Variants in ASAP2 observed in about 807,000 individuals in gnomAD.
The protein encoded by ASAP2 is ArfGAP with SH3 domain, ankyrin repeat and PH domain 2, also known as arf-GAP with SH3 domain, ANK repeat and PH domain-containing protein 2.
ASAP2 carries 45 observed loss-of-function variants against 131.4 expected under a neutral mutation model. The ratio of observed to expected loss-of-function variants is 0.34; its 90% CI spans 0.27 to 0.44. The LOEUF is 0.44. ASAP2 is among the 20% of genes least tolerant of loss of function. The probability of loss-of-function intolerance (pLI) is 1.00; values close to 1 mark genes in which losing one functional copy is unlikely to be tolerated. For synonymous variants in ASAP2, 510 were observed against 503.0 expected, an observed-to-expected ratio of 1.01 and a Z score of -0.19; for missense variants, 1,011 against 1,297.0, an observed-to-expected ratio of 0.78 and a Z score of 3.39.
chr2:9,309,073 G>A (rs1254249915), intron 3 of ASAP2, among the ~76,000 whole-genome samples: 3 of 152,110 alleles, frequency 2.0e-5, no homozygotes, highest in African/African-American at 4.8e-5. Flanking sequence ...GTCCTCATGT[G>A]GCTCTCTGCC....
chr2:9,339,888 A>AG (rs1671461745), intron 9 of ASAP2, among the ~76,000 whole-genome samples: 1 of 152,088 alleles, frequency 6.6e-6, no homozygotes, highest in South Asian at 2.1e-4. Context: ...CTAGGGGAGG[A>AG]GGGACCTGTT....
chr2:9,366,120 G>A (rs1558371351), intron 15 of ASAP2, among the ~76,000 whole-genome samples: 1 of 152,070 alleles, frequency 6.6e-6, no homozygotes, highest in Non-Finnish European at 1.5e-5. Context: ...TGCTTTTGTC[G>A]ATGGGTCTGG....
At chr2:9,373,685 G>A (rs554931500) in intron 16 of ASAP2, among the ~76,000 whole-genome samples, 14 of 152,350 alleles carry the variant, frequency 9.2e-5, no homozygotes, top group Admixed American at 6.5e-4. Context: ...GGAGGGAACC[G>A]TGCGGGGACT....
intron 3 of ASAP2, among the ~76,000 whole-genome samples, chr2:9,317,541 ATC>A (rs56856344): frequency 0.018 from 2,488 of 137,196 alleles, 71 homozygotes; most frequent in African/African-American, 0.062. Flanking sequence ...AATCCACACA[ATC>A]TCTCACATCC....
At position 9,392,610 on chromosome 2, in the gene ASAP2, A is replaced by G. The variant is rs1675815157; in HGVS notation, c.2519-872A>G. The stretch of plus-strand genomic sequence containing the variant: ...GGGGCTGCATTTGTGTGCTAGAGTC[A>G]GACTTTTGAGTTTTCCTTTAAATTG... On this transcript the variant is annotated intron_variant, in intron 23 of 27. Coordinates refer to ENST00000281419, the MANE Select transcript of ASAP2 (RefSeq NM_003887.3). The surrounding 1 kb of genome is among the most constrained non-coding windows in gnomAD (Gnocchi z 4.0). 6.6e-6 allele frequency among the ~76,000 whole-genome samples: 1 copy of G among 152,184 alleles called. No individual in the cohort carries two copies. The highest frequency in any genetic ancestry group is 2.1e-4 in the South Asian group (1 of 4,826).
intron 9 of ASAP2, among the ~76,000 whole-genome samples, chr2:9,338,110 T>C (rs901808847): frequency 2.0e-5 from 3 of 152,180 alleles, no homozygotes; most frequent in Non-Finnish European, 4.4e-5. Context: ...ATGGACCCTG[T>C]TGGGGTGCTG....
rs769290885 is a variant in ASAP2, at chr2:9,311,711, G to A, written c.346-6813G>A. 2.0e-5 allele frequency among the ~76,000 whole-genome samples: 3 copies of A among 152,158 alleles called. No homozygotes were observed. The highest frequency in any genetic ancestry group is 4.8e-5 in the African/African-American group (2 of 41,418). On this transcript the variant is annotated intron_variant, in intron 3 of 27. Coordinates refer to ENST00000281419, the MANE Select transcript of ASAP2 (RefSeq NM_003887.3). The surrounding 1 kb of genome is among the most constrained non-coding windows in gnomAD (Gnocchi z 5.2). Reference sequence around the variant, plus strand: ...ACTCGAGGATGGCTCGTTCGGCTGCGGGCCTGAGGCTGCTGGACACACAGA... The same window carrying A: ...ACTCGAGGATGGCTCGTTCGGCTGCAGGCCTGAGGCTGCTGGACACACAGA...
intron 3 of ASAP2, among the ~76,000 whole-genome samples, chr2:9,308,466 C>T (rs895938051): frequency 1.3e-5 from 2 of 152,302 alleles, no homozygotes; most frequent in Middle Eastern, 3.4e-3. Flanking sequence ...GAGGTTTGAG[C>T]GGGGACACAG....
intron 1 of ASAP2, among the ~76,000 whole-genome samples, chr2:9,256,177 AAAAAG>A (rs768300447): frequency 1.4e-4 from 21 of 151,826 alleles, no homozygotes; most frequent in East Asian, 1.4e-3. Flanking sequence ...AAAAAAAAAA[AAAAAG>A]AAAGCAAGTA....
At chr2:9,313,232 A>T (rs945070216) in intron 3 of ASAP2, among the ~76,000 whole-genome samples, 1 of 152,162 alleles carries the variant, frequency 6.6e-6, no homozygotes, top group Non-Finnish European at 1.5e-5. Context: ...TCTCCACTTG[A>T]ATGTTTTTGC....
intron 7 of ASAP2, among the ~76,000 whole-genome samples, chr2:9,328,757 C>T (rs73148722): frequency 0.018 from 2,679 of 152,304 alleles, 86 homozygotes; most frequent in African/African-American, 0.061. Context: ...ACCCAACACA[C>T]ATGTCAGGTG....
chr2:9,395,594 CTTTTTTTTTTTTTTTTTTTTTTTT>C lies in ASAP2; in HGVS notation c.2684+1955_2684+1978del. Among the ~76,000 whole-genome samples the C allele has an allele frequency of 2.6e-3, 156 of 59,066 alleles. 2 individuals carry two copies. The highest frequency in any genetic ancestry group is 0.014 in the Middle Eastern group (1 of 72). 38.7% of individuals were successfully genotyped at this position (59,066 alleles called of 152,430 possible). The stretch of plus-strand genomic sequence containing the variant: ...GTTTTGTTTTTCTTGTGTTTTTTTT[CTTTTTTTTTTTTTTTTTTTTTTTT>C]TTTTTTTGAGATGGAGTCTTGCTCT... On this transcript the variant is annotated intron_variant, in intron 24 of 27. Transcript: ENST00000281419.
At chr2:9,395,304 C>T (rs145025837) in intron 24 of ASAP2, among the ~76,000 whole-genome samples, 2,028 of 152,190 alleles carry the variant, frequency 0.013, 20 homozygotes, top group Non-Finnish European at 0.023. Context: ...AAAACCCCAC[C>T]TCTACTAAAA....
At chr2:9,376,754 T>C (rs1674430144) in intron 17 of ASAP2, among the ~76,000 whole-genome samples, 154 bp from the exon 18 acceptor site, 1 of 152,190 alleles carries the variant, frequency 6.6e-6, no homozygotes, top group East Asian at 1.9e-4. Context: ...GCAAAGAGCT[T>C]GTGTAGAGAT....
At chr2:9,313,117 C>T (rs11892025) in intron 3 of ASAP2, among the ~76,000 whole-genome samples, 52,146 of 151,890 alleles carry the variant, frequency 0.34, 9,201 homozygotes, top group African/African-American at 0.37. Context: ...CACTAGGCTG[C>T]GGGCCCTGTT....
chr2:9,283,431 C>T (rs1572348430), intron 2 of ASAP2, among the ~76,000 whole-genome samples: 1 of 152,314 alleles, frequency 6.6e-6, no homozygotes, highest in South Asian at 2.1e-4. Flanking sequence ...CCATGGGAAA[C>T]CCGACATGGG....
chr2:9,259,963 C>T (rs776791290), intron 1 of ASAP2, among the ~76,000 whole-genome samples: 10 of 152,138 alleles, frequency 6.6e-5, no homozygotes, highest in East Asian at 1.9e-4. Context: ...CCAGTGTCTG[C>T]GCATCGCCCC....
chr2:9,212,693 C>G (rs1661667395), intron 1 of ASAP2, among the ~76,000 whole-genome samples: 1 of 152,094 alleles, frequency 6.6e-6, no homozygotes, highest in African/African-American at 2.4e-5. Flanking sequence ...ATGAGGCAGC[C>G]TAAGACAAAT....
At chr2:9,380,881 C>A in intron 20 of ASAP2, 73 bp downstream of exon 20, 3 of 1,494,318 alleles carry the variant, frequency 2.0e-6, no homozygotes, top group Admixed American at 1.8e-5. Context: ...CCTCCTTGGG[C>A]AGGGTTTGCT....
Sources: allele counts gnomAD v4.1 joint callset (sites outside exome capture counted in the v4.1 genomes callset), GRCh38; gene constraint gnomAD v4.1.1; non-coding constraint Gnocchi (gnomAD v3.1); transcripts MANE v1.5; gene names NCBI Gene and HGNC (gene_info 2026-07-23, HGNC 2026-07-21).